DBR1: variants seen among roughly 807,000 people sequenced by gnomAD.
DBR1 encodes the protein debranching RNA lariats 1.
In DBR1, 33 loss-of-function variants were observed where a neutral mutation model predicts 45.9. The ratio of observed to expected loss-of-function variants is 0.72; its 90% CI spans 0.55 to 0.96. The LOEUF is 0.96. Among genes scored for constraint, DBR1 ranks in the 40% least tolerant of loss-of-function variants. The probability of loss-of-function intolerance (pLI) is 0.00; values close to 1 mark genes in which losing one functional copy is unlikely to be tolerated. For missense variants in DBR1, 619 were observed against 667.4 expected (o/e 0.93, Z 0.80); for synonymous variants, 235 against 235.9 (o/e 1.00, Z 0.04).
At chr3:138,166,961 T>C (rs892297091) in intron 5 of DBR1, 120 bp downstream of exon 5, 13 of 866,178 alleles carry the variant, frequency 1.5e-5, no homozygotes, top group Non-Finnish European at 2.2e-5. Context: ...GAATCATATA[T>C]TGAGCTACTC....
chr3:138,167,066 C>T lies in DBR1; in HGVS notation c.714+15G>A. 1 of 1,608,756 alleles carries T rather than the reference C, an allele frequency of 6.2e-7. No individual in the cohort carries two copies. Among genetic ancestry groups the T allele is most frequent in the East Asian group, 2.2e-5 (1 of 44,830 alleles). On this transcript the variant is annotated intron_variant, in intron 5 of 7. Transcript: ENST00000260803. ...AGTGTGTGTTAAATGAAAGAATAAA[C>T]ATTTTGTTTTCTACCTGATGCTGCA...
Position 138,161,641 on chromosome 3 carries a change from T to C in DBR1, c.*248A>G, listed in dbSNP as rs528548529. ...CAGGTGGATCGCCTGAGGTCAGGAG[T>C]TGGAGACCAGCCTGGCCAACACGGT... On this transcript the variant is annotated 3_prime_UTR_variant, in exon 8 of 8. Coordinates refer to ENST00000260803, the MANE Select transcript of DBR1 (RefSeq NM_016216.4). 563 of 390,468 alleles carry C rather than the reference T, an allele frequency of 1.4e-3. 7 individuals carry two copies. Among genetic ancestry groups the C allele is most frequent in the South Asian group, 0.011 (388 of 36,518 alleles). 24.2% of individuals were successfully genotyped at this position (390,468 alleles called of 1,614,324 possible). A position where few individuals can be genotyped will look rare whatever the true frequency, so the allele number is the denominator to read the frequency against.
At chr3:138,163,315 G>A (rs774165577) in intron 7 of DBR1, 34 bp downstream of exon 7, 1 of 1,601,110 alleles carries the variant, frequency 6.2e-7, no homozygotes, top group East Asian at 2.2e-5. Context: ...TGCATGCAAT[G>A]GAAAAAGCAG....
At chr3:138,170,964 T>C (rs2042950903) in intron 3 of DBR1, among the ~76,000 whole-genome samples, 1 of 152,228 alleles carries the variant, frequency 6.6e-6, no homozygotes, top group African/African-American at 2.4e-5. Context: ...GATACATTTA[T>C]ATGAAGCTTA....
chr3:138,164,027 T>G, intron 5 of DBR1, 169 bp from the exon 6 acceptor site: 1 of 454,928 alleles, frequency 2.2e-6, no homozygotes. Context: ...CCCACTTGTG[T>G]GATAAAAGAG....
intron 7 of DBR1, 43 bp from the exon 8 acceptor site, chr3:138,162,625 C>G: frequency 1.4e-6 from 2 of 1,464,112 alleles, no homozygotes; most frequent in Non-Finnish European, 9.4e-7. Flanking sequence ...TTTATCAGCT[C>G]TAAACAATAA....
Position 138,167,214 on chromosome 3 carries a change from GATTTAGTCTTAAGAAGT to G in DBR1, c.564_580del (p.Gln188HisfsTer10). Reference sequence around the variant, plus strand: ...ATTTTCCACTTCTTGTCGGAAAAAAGATTTAGTCTTAAGAAGTTGCTTCTTATTTCCATAATGATATA... The same window carrying G: ...ATTTTCCACTTCTTGTCGGAAAAAAGTGCTTCTTATTTCCATAATGATATA... On this transcript the variant is annotated frameshift_variant, in exon 5 of 8. Transcript: ENST00000260803. LOFTEE classifies it high-confidence loss of function. 1 of 1,613,910 alleles carries G rather than the reference GATTTAGTCTTAAGAAGT, an allele frequency of 6.2e-7. No individual in the cohort carries two copies. Among genetic ancestry groups the G allele is most frequent in the Non-Finnish European group, 8.5e-7 (1 of 1,179,884 alleles).
At chr3:138,169,986 A>G in intron 4 of DBR1, 121 bp downstream of exon 4, 1 of 686,524 alleles carries the variant, frequency 1.5e-6, no homozygotes, top group Non-Finnish European at 2.5e-6. Flanking sequence ...CTCAAGATCC[A>G]CATTTTAAAA....
intron 5 of DBR1, 73 bp from the exon 6 acceptor site, chr3:138,163,931 G>T: frequency 1.8e-6 from 2 of 1,093,772 alleles, no homozygotes; most frequent in African/African-American, 1.6e-5. Flanking sequence ...CACGGAATAG[G>T]ATGAAAATAA....
chr3:138,166,913 A>T (rs1303236063), intron 5 of DBR1, among the ~76,000 whole-genome samples, 168 bp downstream of exon 5: 1 of 152,004 alleles, frequency 6.6e-6, no homozygotes, highest in Admixed American at 6.6e-5. Context: ...TTTTCTCTCA[A>T]ACTTATTATA....
Position 138,161,056 on chromosome 3 carries a change from CTTCAAT to C in DBR1, c.*827_*832del, listed in dbSNP as rs2042904180. 1 of 152,104 alleles carries C rather than the reference CTTCAAT, an allele frequency of 6.6e-6. No homozygotes were observed. The highest frequency in any genetic ancestry group is 1.9e-4 in the East Asian group (1 of 5,196). 9.4% of individuals were successfully genotyped at this position (152,104 alleles called of 1,614,324 possible). A position where few individuals can be genotyped will look rare whatever the true frequency, so the allele number is the denominator to read the frequency against. On this transcript the variant is annotated 3_prime_UTR_variant, in exon 8 of 8. Coordinates refer to ENST00000260803, the MANE Select transcript of DBR1 (RefSeq NM_016216.4). The stretch of plus-strand genomic sequence containing the variant: ...TATTTCCTGAAATCTTATATACCAT[CTTCAAT>C]TTCAATTTTTATTTGACAGATATTA...
chr3:138,173,260 A>G (rs1415160457), intron 2 of DBR1, among the ~76,000 whole-genome samples: 1 of 152,206 alleles, frequency 6.6e-6, no homozygotes, highest in African/African-American at 2.4e-5. Context: ...TGAAGGGACT[A>G]CAAATAGTGT....
chr3:138,174,849 C>A lies in DBR1; in HGVS notation c.-54G>T. The A allele has an allele frequency of 6.4e-7, 1 of 1,551,192 alleles. No homozygotes were observed. The highest frequency in any genetic ancestry group is 8.7e-7 in the Non-Finnish European group (1 of 1,143,246). On this transcript the variant is annotated 5_prime_UTR_variant, in exon 1 of 8. Transcript: ENST00000260803. ...CTGCAACGCCCTACACCACAGCCAG[C>A]CCAGGACCGACTGATCGCTCAGCTC...
intron 5 of DBR1, among the ~76,000 whole-genome samples, chr3:138,165,023 G>A (rs906032929): frequency 2.6e-5 from 4 of 151,780 alleles, no homozygotes; most frequent in South Asian, 2.1e-4. Flanking sequence ...AGAAAGAAAC[G>A]TGGAAAGAAT....
intron 5 of DBR1, 108 bp downstream of exon 5, chr3:138,166,973 C>A: frequency 2.1e-6 from 2 of 969,650 alleles, no homozygotes; most frequent in South Asian, 2.9e-5. Flanking sequence ...GAGCTACTCA[C>A]AAGAGGTAAG....
In DBR1 at chr3:138,169,965, C is replaced by T. The variant is rs191645456; in HGVS notation, c.489+142G>A. On this transcript the variant is annotated intron_variant, in intron 4 of 7. Transcript: ENST00000260803. ...GAAAAAAAAAAGGTTCATCTGTGAACCTCCTAAAAACTCAAGATCCACATT... is the reference window on the plus strand; with the variant it reads ...GAAAAAAAAAAGGTTCATCTGTGAATCTCCTAAAAACTCAAGATCCACATT... The T allele has an allele frequency of 5.1e-4, 326 of 633,788 alleles. 1 individual carries two copies. Among genetic ancestry groups the T allele is most frequent in the Non-Finnish European group, 7.9e-4 (291 of 366,046 alleles). The allele number at this position is 633,788 out of a possible 1,614,324, so 39.3% of individuals were successfully genotyped here.
At chr3:138,166,405 T>C (rs185622667) in intron 5 of DBR1, among the ~76,000 whole-genome samples, 7 of 152,324 alleles carry the variant, frequency 4.6e-5, no homozygotes, top group African/African-American at 1.7e-4. Context: ...GCAATGATTC[T>C]CCTTCTAAAA....
rs149713635 is a variant in DBR1 at position 138,173,623 on chromosome 3, A to G, written c.201T>C (p.Tyr67=). ...CTGGAGCCTTTTTCTCTCCAGAGTA[A>G]TACCTAGAACATAAGAGCAAAGTCA... is the stretch of plus-strand genomic sequence containing the variant. ...KYRHMQTFYR[Y]YSGEKKAPVL... Residue 67 remains tyrosine, a synonymous_variant, in exon 2 of 8, where the codon TAT becomes TAC. Coordinates refer to ENST00000260803, the MANE Select transcript of DBR1 (RefSeq NM_016216.4). The G allele has an allele frequency of 1.4e-4, 218 of 1,613,392 alleles. 2 individuals carry two copies. The highest frequency in any genetic ancestry group is 4.9e-4 in the Middle Eastern group (3 of 6,080).
chr3:138,174,399 A>G (rs1362002845), intron 1 of DBR1, among the ~76,000 whole-genome samples, 200 bp downstream of exon 1: 1 of 152,216 alleles, frequency 6.6e-6, no homozygotes, highest in African/African-American at 2.4e-5. Context: ...TGAAACTGAC[A>G]TAATTTGGTA....
Sources: gnomAD v4.1 joint callset for allele counts (sites outside exome capture counted in the v4.1 genomes callset) on GRCh38, gnomAD v4.1.1 for gene constraint, MANE v1.5 for transcripts, NCBI Gene and HGNC (gene_info 2026-07-23, HGNC 2026-07-21) for gene names.